The following PTPN4 variants were observed in gnomAD, a reference collection of about 807,000 sequenced individuals.
PTPN4 encodes the protein protein tyrosine phosphatase non-receptor type 4.
Under a neutral mutation model 135.5 loss-of-function variants are expected in PTPN4, and 49 were observed. The observed-to-expected ratio is 0.36, with a 90% confidence interval of 0.29 to 0.46. The LOEUF (loss-of-function observed/expected upper bound fraction) is 0.46, where lower values mean the gene tolerates loss of function less well. Ranked by LOEUF, PTPN4 falls within the 20% of genes least tolerant of loss-of-function variation. The pLI is 1.00. For missense variants in PTPN4, 860 were observed against 1,101.0 expected (o/e 0.78, Z 3.10); for synonymous variants, 333 against 369.9 (o/e 0.90, Z 1.14).
chr2:119,800,826 T>G (rs1040659219), intron 1 of PTPN4, among the ~76,000 whole-genome samples: 3 of 152,154 alleles, frequency 2.0e-5, no homozygotes, highest in Non-Finnish European at 4.4e-5. Flanking sequence ...AGGCCATCCT[T>G]TCTCTGTTGA....
chr2:119,784,696 A>ATTTTTT (rs58879330), intron 1 of PTPN4, among the ~76,000 whole-genome samples: 7 of 110,140 alleles, frequency 6.4e-5, no homozygotes, highest in African/African-American at 1.5e-4. Flanking sequence ...TGCCCAGCTA[A>ATTTTTT]TTTTTTTTTT....
intron 2 of PTPN4, among the ~76,000 whole-genome samples, chr2:119,822,128 T>G (rs902349718): frequency 6.6e-6 from 1 of 152,154 alleles, no homozygotes; most frequent in African/African-American, 2.4e-5. Context: ...AGGTATGGGA[T>G]TGAGAACTGA....
chr2:119,864,384 T>C (rs1048926512), intron 3 of PTPN4, among the ~76,000 whole-genome samples: 20 of 152,112 alleles, frequency 1.3e-4, no homozygotes, highest in Non-Finnish European at 2.5e-4. Flanking sequence ...TTTCCTTTCT[T>C]ACCAGAAAGG....
At chr2:119,947,923 C>A (rs1354849961) in intron 18 of PTPN4, among the ~76,000 whole-genome samples, 3 of 152,028 alleles carry the variant, frequency 2.0e-5, no homozygotes, top group Non-Finnish European at 4.4e-5. Context: ...AGCTCAGTAG[C>A]CCACAGGGAC....
Position 119,934,827 on chromosome 2 carries a change from A to C in PTPN4, c.1224A>C (p.Gly408=). 1 of 1,614,026 alleles carries C rather than the reference A, an allele frequency of 6.2e-7. No individual in the cohort carries two copies. The highest frequency in any genetic ancestry group is 1.6e-4 in the Middle Eastern group (1 of 6,062). The part of the protein sequence containing the change: ...NHRNSTFTQE[G]TRLRPSSVGH... ...GAAATTCTACATTCACGCAGGAAGG[A>C]ACCCGGTTACGACCATCTTCAGTTG... Residue 408 remains glycine (G), a synonymous_variant, in exon 15 of 27, where the codon GGA becomes GGC. Transcript: ENST00000263708.
chr2:119,965,900 G>C (rs1310862832), intron 25 of PTPN4, among the ~76,000 whole-genome samples: 1 of 152,100 alleles, frequency 6.6e-6, no homozygotes, highest in Non-Finnish European at 1.5e-5. Context: ...CTCTGAAATT[G>C]GTCTTAACAA....
At position 119,983,002 on chromosome 2, in the gene PTPN4, ATCACTCAT is replaced by A. The variant is rs1679716502; in HGVS notation, c.*5933_*5940del. 1 of 152,188 alleles carries A rather than the reference ATCACTCAT, an allele frequency of 6.6e-6. No individual in the cohort carries two copies. Among genetic ancestry groups the A allele is most frequent in the Admixed American group, 6.5e-5 (1 of 15,272 alleles). 9.4% of individuals were successfully genotyped at this position (152,188 alleles called of 1,614,324 possible). ...CTTTAAAAGGTGGTATTTATTATTC[ATCACTCAT>A]GAAACTTGACTCAGTGAGGACTTCA... On this transcript the variant is annotated 3_prime_UTR_variant, in exon 27 of 27. Coordinates refer to ENST00000263708, the MANE Select transcript of PTPN4 (RefSeq NM_002830.4).
At chr2:119,963,383 A>G (rs951798843) in intron 24 of PTPN4, among the ~76,000 whole-genome samples, 11 of 152,192 alleles carry the variant, frequency 7.2e-5, no homozygotes, top group African/African-American at 2.2e-4. Flanking sequence ...GCTGCTAGAG[A>G]CAGTGCACCC....
At position 119,973,821 on chromosome 2, in the gene PTPN4, T is replaced by C. The variant is rs180806065; in HGVS notation, c.2695-3163T>C. ...TGTATGGCTTGAGCATCTTAGGTCATATATTCTTTCTTCAAACGCACATAA... is the reference window on the plus strand; with the variant it reads ...TGTATGGCTTGAGCATCTTAGGTCACATATTCTTTCTTCAAACGCACATAA... On this transcript the variant is annotated intron_variant, in intron 26 of 26. Transcript: ENST00000263708. 3.7e-4 allele frequency among the ~76,000 whole-genome samples: 57 copies of C among 152,272 alleles called. No homozygotes were observed. The East Asian group carries it at 8.5e-3, about 23-fold the overall frequency.
intron 2 of PTPN4, among the ~76,000 whole-genome samples, chr2:119,813,752 G>A (rs557155434): frequency 6.6e-6 from 1 of 152,244 alleles, no homozygotes; most frequent in East Asian, 1.9e-4. Flanking sequence ...AAATGTTGCC[G>A]TGGACTTACT....
At chr2:119,769,632 A>G (rs927901253) in intron 1 of PTPN4, among the ~76,000 whole-genome samples, 1 of 152,254 alleles carries the variant, frequency 6.6e-6, no homozygotes, top group East Asian at 1.9e-4. Flanking sequence ...CCATAGAGGT[A>G]AAAGATCTCA....
intron 15 of PTPN4, among the ~76,000 whole-genome samples, chr2:119,936,949 AG>A (rs1183740219): frequency 1.3e-5 from 2 of 152,222 alleles, no homozygotes; most frequent in Non-Finnish European, 2.9e-5. Context: ...AGTTCTGAAA[AG>A]ATAAGCTTAA....
intron 3 of PTPN4, among the ~76,000 whole-genome samples, chr2:119,874,407 C>T (rs762151760): frequency 6.6e-5 from 10 of 151,968 alleles, no homozygotes; most frequent in African/African-American, 1.5e-4. Context: ...TCATAATAGT[C>T]GAAAAGTAGA....
chr2:119,867,370 A>T (rs1025463315), intron 3 of PTPN4, among the ~76,000 whole-genome samples: 1 of 152,112 alleles, frequency 6.6e-6, no homozygotes, highest in Non-Finnish European at 1.5e-5. Context: ...TGCTAGAGAT[A>T]ATTCAGTTAG....
chr2:119,775,328 C>T lies in PTPN4; in HGVS notation c.-18+14944C>T, dbSNP rs370884714. On this transcript the variant is annotated intron_variant, in intron 1 of 26. Transcript: ENST00000263708. Reference sequence around the variant, plus strand: ...TCTATTGGTCATATAACAAGAAGGCCTGGACAATAACTCTTTTTCTGGATT... The same window carrying T: ...TCTATTGGTCATATAACAAGAAGGCTTGGACAATAACTCTTTTTCTGGATT... Among the ~76,000 whole-genome samples, 11 of 151,908 alleles carry T rather than the reference C, an allele frequency of 7.2e-5. No homozygotes were observed. The East Asian group carries it at 7.7e-4, about 11-fold the overall frequency.
intron 3 of PTPN4, among the ~76,000 whole-genome samples, chr2:119,867,408 T>C (rs1677848826): frequency 6.6e-6 from 1 of 152,120 alleles, no homozygotes; most frequent in Non-Finnish European, 1.5e-5. Context: ...ACTGGTTGGT[T>C]TGATTCAGAT....
At chr2:119,806,169 A>G (rs1241855159) in intron 1 of PTPN4, among the ~76,000 whole-genome samples, 1 of 152,234 alleles carries the variant, frequency 6.6e-6, no homozygotes, top group Non-Finnish European at 1.5e-5. Flanking sequence ...AACTGCATCA[A>G]CTAATGGGCA....
At position 119,862,617 on chromosome 2, in the gene PTPN4, T is replaced by A; in HGVS notation, c.220T>A (p.Leu74Met). The change falls in exon 3 of 27, where the codon TTG becomes ATG. Residue 74 changes from leucine to methionine, a missense_variant. Leu to Met is a conservative substitution (Grantham distance 15). Transcript: ENST00000263708. ...TGAGCAGGACTATTTTGGTTTACAG[T>A]TGGCTGATGATTCCACAGATAACCC... ...LTEQDYFGLQ[L>M]ADDSTDNPRW... 1.2e-6 allele frequency: 2 copies of A among 1,612,558 alleles called. No individual in the cohort carries two copies. Among genetic ancestry groups the A allele is most frequent in the South Asian group, 2.2e-5 (2 of 90,946 alleles).
chr2:119,940,623 T>C (rs766391782), intron 15 of PTPN4, among the ~76,000 whole-genome samples: 1 of 152,142 alleles, frequency 6.6e-6, no homozygotes, highest in African/African-American at 2.4e-5. Flanking sequence ...CCCCAGTTTA[T>C]TTTTTTAAAA....
Sources: gnomAD v4.1 joint callset for allele counts (sites outside exome capture counted in the v4.1 genomes callset) on GRCh38, gnomAD v4.1.1 for gene constraint, MANE v1.5 for transcripts, NCBI Gene and HGNC (gene_info 2026-07-23, HGNC 2026-07-21) for gene names.